SLC12A7: variants seen among roughly 807,000 people sequenced by gnomAD.
The protein encoded by SLC12A7 is solute carrier family 12 member 7.
SLC12A7 carries 100 observed loss-of-function variants against 120.6 expected under a neutral mutation model. That is an observed-to-expected ratio of 0.83 (90% CI 0.71 to 0.98). The LOEUF (loss-of-function observed/expected upper bound fraction) is 0.98, where lower values mean the gene tolerates loss of function less well. SLC12A7 is among the 50% of genes least tolerant of loss of function. The pLI, the probability that SLC12A7 is intolerant of heterozygous loss-of-function variation, is 0.00. For missense variants in SLC12A7, 1,373 were observed against 1,548.1 expected, an observed-to-expected ratio of 0.89 and a Z score of 1.90; for synonymous variants, 760 against 678.0, an observed-to-expected ratio of 1.12 and a Z score of -1.88.
chr5:1,057,222 C>A (rs1319318342), intron 22 of SLC12A7: 2 of 479,446 alleles, frequency 4.2e-6, no homozygotes, highest in South Asian at 8.0e-5. Flanking sequence ...CCAGGTCTTA[C>A]AAGGACTCCC....
chr5:1,091,075 C>T (rs955886825), intron 3 of SLC12A7, among the ~76,000 whole-genome samples: 12 of 152,250 alleles, frequency 7.9e-5, no homozygotes, highest in African/African-American at 2.9e-4. Flanking sequence ...GCTGGGGTCA[C>T]GGGCCCTGGT....
upstream of SLC12A7, among the ~76,000 whole-genome samples, chr5:1,115,841 G>A (rs184630424): frequency 1.4e-5 from 2 of 142,230 alleles, no homozygotes; most frequent in African/African-American, 3.1e-5. Flanking sequence ...AAGGAGAATC[G>A]GGGGAAGGGG....
chr5:1,085,615 C>A, intron 6 of SLC12A7, 142 bp from the exon 7 acceptor site: 3 of 1,250,582 alleles, frequency 2.4e-6, no homozygotes, highest in Non-Finnish European at 2.2e-6. Context: ...CTGGACGGAG[C>A]CCGCGGGGGT....
the SLC12A7 span, among the ~76,000 whole-genome samples, chr5:1,155,802 T>C: frequency 0.78 from 117,351 of 150,702 alleles, 47,176 homozygotes; most frequent in East Asian, 0.91. Flanking sequence ...GCGCTGGCTG[T>C]CGCCTTCCTT....
the SLC12A7 span, among the ~76,000 whole-genome samples, chr5:1,135,969 C>T: frequency 7.2e-5 from 11 of 152,314 alleles, no homozygotes; most frequent in East Asian, 1.4e-3. Flanking sequence ...GTCGGCCCTG[C>T]GGGGTGCAGG....
chr5:1,091,433 C>T (rs1579406359), intron 3 of SLC12A7, among the ~76,000 whole-genome samples: 1 of 152,274 alleles, frequency 6.6e-6, no homozygotes, highest in East Asian at 1.9e-4. Context: ...AGCCTGTTCC[C>T]GGAGCACTCG....
At chr5:1,074,321 T>C (rs1187158499) in intron 16 of SLC12A7, among the ~76,000 whole-genome samples, 1 of 152,042 alleles carries the variant, frequency 6.6e-6, no homozygotes, top group Non-Finnish European at 1.5e-5. Context: ...AGCCACCCTC[T>C]CCCACCCCAA....
At chr5:1,141,115 T>G in the SLC12A7 span, among the ~76,000 whole-genome samples, 1 of 152,232 alleles carries the variant, frequency 6.6e-6, no homozygotes, top group South Asian at 2.1e-4. Flanking sequence ...GTGGCTGGGC[T>G]GCTCCCCTGA....
In SLC12A7 at chr5:1,081,629, G is replaced by A. The variant is rs143450238; in HGVS notation, c.1245C>T (p.Asp415=). ...RASALPYVLT[D]IAASFTLLVG... ...CCAGCAGGGTGAAGGAGGCCGCGAT[G>A]TCGGTGAGCACGTAGGGCAGTGCGC... Residue 415 remains aspartate, a synonymous_variant, in exon 9 of 24, where the codon GAC becomes GAT. Transcript: ENST00000264930. 2.2e-4 allele frequency: 347 copies of A among 1,611,820 alleles called. No homozygotes were observed. In the African/African-American group the frequency reaches 4.2e-3, roughly 19 times the overall value.
At chr5:1,112,969 CT>C (rs915306693), upstream of SLC12A7, among the ~76,000 whole-genome samples, 1 of 151,788 alleles carries the variant, frequency 6.6e-6, no homozygotes, top group Non-Finnish European at 1.5e-5. Flanking sequence ...AGAACCCTCC[CT>C]TCCCTCCTTG....
intron 22 of SLC12A7, chr5:1,056,447 G>A (rs1019606255): frequency 3.1e-5 from 8 of 258,610 alleles, no homozygotes; most frequent in African/African-American, 1.8e-4. Context: ...GGCTGTACGC[G>A]GACGCACACA....
upstream of SLC12A7, among the ~76,000 whole-genome samples, chr5:1,114,748 C>G (rs1185813401): frequency 6.6e-6 from 1 of 152,076 alleles, no homozygotes; most frequent in African/African-American, 2.4e-5. Context: ...GGTCCAGTCC[C>G]CTGGCAAGGC....
intron 17 of SLC12A7, among the ~76,000 whole-genome samples, chr5:1,066,788 AG>A (rs1737101520): frequency 6.6e-6 from 1 of 152,092 alleles, no homozygotes; most frequent in African/African-American, 2.4e-5. Flanking sequence ...CAGGAGCTGG[AG>A]GAGGCAGGAG....
chr5:1,142,749 G>C, the SLC12A7 span, among the ~76,000 whole-genome samples: 18 of 147,086 alleles, frequency 1.2e-4, no homozygotes, highest in African/African-American at 4.3e-4. Flanking sequence ...GGTGCTCACG[G>C]CCCTCCCCAC....
intron 18 of SLC12A7, among the ~76,000 whole-genome samples, chr5:1,064,791 A>G (rs1166116662): frequency 3.2e-5 from 4 of 126,638 alleles, no homozygotes; most frequent in Admixed American, 1.6e-4. Flanking sequence ...GTGAGGGGAC[A>G]GCGAGGAGAC....
At chr5:1,127,170 A>G in the SLC12A7 span, among the ~76,000 whole-genome samples, 2 of 152,190 alleles carry the variant, frequency 1.3e-5, no homozygotes, top group Non-Finnish European at 2.9e-5. Context: ...ACACGCCACC[A>G]CGCCCAGCTA....
At chr5:1,065,522 G>T in intron 17 of SLC12A7, 44 bp from the exon 18 acceptor site, 1 of 1,496,648 alleles carries the variant, frequency 6.7e-7, no homozygotes, top group Non-Finnish European at 9.0e-7. Flanking sequence ...GGAATGGGGT[G>T]CACAGACCCA....
At chr5:1,076,565 C>G (rs1007123845) in intron 13 of SLC12A7, 129 bp downstream of exon 13, 1 of 719,454 alleles carries the variant, frequency 1.4e-6, no homozygotes, top group African/African-American at 1.8e-5. Flanking sequence ...CCCTTCCCGG[C>G]AGGATCCTGA....
intron 1 of SLC12A7, among the ~76,000 whole-genome samples, chr5:1,096,164 G>A (rs1019907390): frequency 9.2e-5 from 14 of 152,220 alleles, no homozygotes; most frequent in African/African-American, 3.1e-4. Context: ...TGAAAGAAAC[G>A]TGCTTGCTTT....
Sources: allele counts gnomAD v4.1 joint callset (sites outside exome capture counted in the v4.1 genomes callset), GRCh38; gene constraint gnomAD v4.1.1; transcripts MANE v1.5; gene names NCBI Gene and HGNC (gene_info 2026-07-23, HGNC 2026-07-21).